KCNB2: variants seen among roughly 807,000 people sequenced by gnomAD.
KCNB2 encodes potassium voltage-gated channel subfamily B member 2, also known as delayed rectifier potassium channel protein.
KCNB2 carries 15 observed loss-of-function variants against 61.5 expected under a neutral mutation model. That is an observed-to-expected ratio of 0.24 (90% CI 0.16 to 0.38). The LOEUF (loss-of-function observed/expected upper bound fraction) is 0.38. Ranked by LOEUF, KCNB2 falls within the 10% of genes least tolerant of loss-of-function variation. The pLI, the probability that KCNB2 is intolerant of heterozygous loss-of-function variation, is 1.00. For synonymous variants in KCNB2, 457 were observed against 446.0 expected (o/e 1.02, Z -0.31); for missense variants, 828 against 1,125.2 (o/e 0.74, Z 3.78).
At chr8:72,652,486 T>C (rs1308071712) in intron 2 of KCNB2, among the ~76,000 whole-genome samples, 1 of 152,008 alleles carries the variant, frequency 6.6e-6, no homozygotes, top group Non-Finnish European at 1.5e-5. Context: ...TATATCAAAT[T>C]TTGTCCTTCC....
At chr8:72,819,281 G>A (rs1240145481) in intron 2 of KCNB2, among the ~76,000 whole-genome samples, 3 of 150,804 alleles carry the variant, frequency 2.0e-5, no homozygotes, top group African/African-American at 7.3e-5. Context: ...GGCAGCAACC[G>A]GCCCAGAGCT....
chr8:72,572,143 C>A (rs564189850), intron 2 of KCNB2, among the ~76,000 whole-genome samples: 1 of 152,176 alleles, frequency 6.6e-6, no homozygotes, highest in African/African-American at 2.4e-5. Context: ...AGGGCCCACA[C>A]TTTGGATGTC....
At chr8:72,697,441 G>A (rs549031140) in intron 2 of KCNB2, among the ~76,000 whole-genome samples, 2 of 152,194 alleles carry the variant, frequency 1.3e-5, no homozygotes, top group South Asian at 4.2e-4. Context: ...ATTTTACCTA[G>A]GGAGTCATCG....
chr8:72,776,394 G>A (rs1808653380), intron 2 of KCNB2, among the ~76,000 whole-genome samples: 1 of 152,138 alleles, frequency 6.6e-6, no homozygotes, highest in South Asian at 2.1e-4. Context: ...AGAACTTAAA[G>A]TATAATTTTT....
chr8:72,708,655 G>C (rs927683478), intron 2 of KCNB2, among the ~76,000 whole-genome samples: 2 of 152,130 alleles, frequency 1.3e-5, no homozygotes, highest in Non-Finnish European at 2.9e-5. Context: ...TTTGATTTCA[G>C]TATCTCCATG....
At chr8:72,915,177 C>T (rs1446120450) in intron 2 of KCNB2, among the ~76,000 whole-genome samples, 1 of 152,148 alleles carries the variant, frequency 6.6e-6, no homozygotes, top group Non-Finnish European at 1.5e-5. Context: ...CATGATCGGC[C>T]TCCCAAAGTG....
intron 2 of KCNB2, among the ~76,000 whole-genome samples, chr8:72,585,664 A>C (rs1215608113): frequency 2.6e-5 from 4 of 152,172 alleles, no homozygotes; most frequent in Non-Finnish European, 5.9e-5. Flanking sequence ...CGTGATGCCC[A>C]ACGGATGTTT....
At chr8:72,710,022 G>A (rs1807299946) in intron 2 of KCNB2, among the ~76,000 whole-genome samples, 1 of 152,126 alleles carries the variant, frequency 6.6e-6, no homozygotes, top group African/African-American at 2.4e-5. Flanking sequence ...CCATACCCCA[G>A]GTGTCCATGG....
chr8:72,844,193 A>T (rs1014486657), intron 2 of KCNB2, among the ~76,000 whole-genome samples: 1 of 152,180 alleles, frequency 6.6e-6, no homozygotes, highest in South Asian at 2.1e-4. Context: ...TCCTTCGCTT[A>T]TGAAGCTTAG....
chr8:72,902,497 G>C (rs1806107324), intron 2 of KCNB2, among the ~76,000 whole-genome samples: 1 of 152,114 alleles, frequency 6.6e-6, no homozygotes, highest in Non-Finnish European at 1.5e-5. Context: ...TTCAGAAACT[G>C]AAATGCTAGG....
chr8:72,809,819 A>C (rs915445110), intron 2 of KCNB2, among the ~76,000 whole-genome samples: 4 of 152,188 alleles, frequency 2.6e-5, no homozygotes, highest in Admixed American at 6.5e-5. Context: ...TTTTTAAAGA[A>C]ATAATTGCTT....
At chr8:72,924,415 A>G (rs1806594766) in intron 2 of KCNB2, among the ~76,000 whole-genome samples, 1 of 152,182 alleles carries the variant, frequency 6.6e-6, no homozygotes, top group African/African-American at 2.4e-5. Flanking sequence ...TCTCAAATTT[A>G]AATGCACATA....
At chr8:72,599,396 A>G (rs555884042) in intron 2 of KCNB2, among the ~76,000 whole-genome samples, 1 of 152,368 alleles carries the variant, frequency 6.6e-6, no homozygotes, top group Non-Finnish European at 1.5e-5. Context: ...GACTAGCCAT[A>G]TATAGAAAGC....
chr8:72,722,905 C>G (rs1585853289), intron 2 of KCNB2, among the ~76,000 whole-genome samples: 2 of 152,324 alleles, frequency 1.3e-5, no homozygotes, highest in South Asian at 4.1e-4. Context: ...TTCACATTCT[C>G]CTAGTCCATG....
chr8:72,887,169 A>G (rs1805820441), intron 2 of KCNB2, among the ~76,000 whole-genome samples: 1 of 152,214 alleles, frequency 6.6e-6, no homozygotes, highest in Admixed American at 6.5e-5. Flanking sequence ...AGACCTTAAA[A>G]TAAAGCCGCA....
chr8:72,892,449 T>A (rs1250435405), intron 2 of KCNB2, among the ~76,000 whole-genome samples: 1 of 152,194 alleles, frequency 6.6e-6, no homozygotes, highest in East Asian at 1.9e-4. Context: ...TTTTTTCCCA[T>A]TTTTGACATG....
intron 2 of KCNB2, among the ~76,000 whole-genome samples, chr8:72,646,415 A>C (rs1806129636): frequency 6.6e-6 from 1 of 152,184 alleles, no homozygotes; most frequent in Non-Finnish European, 1.5e-5. Flanking sequence ...TCTTTCAAAG[A>C]ACTGAAGGAT....
In KCNB2 at chr8:72,676,307, A is replaced by G. The variant is rs147543691; in HGVS notation, c.579+107994A>G. 4.7e-4 allele frequency among the ~76,000 whole-genome samples: 72 copies of G among 152,244 alleles called. 2 individuals carry two copies. In the East Asian group the frequency reaches 0.013, roughly 28 times the overall value. On this transcript the variant is annotated intron_variant, in intron 2 of 2. Coordinates refer to ENST00000523207, the MANE Select transcript of KCNB2 (RefSeq NM_004770.3). Reference sequence around the variant, plus strand: ...TCAATGTGCATTCACCTAAATTACTATGGATAATGAAATTGTTGTACCTCT... The same window carrying G: ...TCAATGTGCATTCACCTAAATTACTGTGGATAATGAAATTGTTGTACCTCT...
chr8:72,676,504 A>G (rs1022002536), intron 2 of KCNB2, among the ~76,000 whole-genome samples: 11 of 150,572 alleles, frequency 7.3e-5, no homozygotes, highest in Non-Finnish European at 5.9e-5. Flanking sequence ...CTAATCCACC[A>G]TTCTAGGTGG....
Sources: allele counts gnomAD v4.1 joint callset (sites outside exome capture counted in the v4.1 genomes callset), GRCh38; gene constraint gnomAD v4.1.1; transcripts MANE v1.5; gene names NCBI Gene and HGNC (gene_info 2026-07-23, HGNC 2026-07-21).